RBFOX1: variants seen among roughly 807,000 people sequenced by gnomAD.
The protein encoded by RBFOX1 is RNA binding fox-1 homolog 1.
A neutral mutation model predicts 57.7 loss-of-function variants in RBFOX1; 8 were observed. That is an observed-to-expected ratio of 0.14 (90% CI 0.08 to 0.25). The LOEUF (loss-of-function observed/expected upper bound fraction) is 0.25, where lower values mean the gene tolerates loss of function less well. RBFOX1 is among the 10% of genes least tolerant of loss of function. The pLI is 1.00. For missense variants in RBFOX1, 611 were observed against 548.5 expected (o/e 1.11, Z -1.14); for synonymous variants, 326 against 222.4 (o/e 1.47, Z -4.15).
intron 4 of RBFOX1, among the ~76,000 whole-genome samples, chr16:7,396,198 C>A (rs2098136316): frequency 6.6e-6 from 1 of 152,050 alleles, no homozygotes; most frequent in South Asian, 2.1e-4. Context: ...AGTTAGCAAC[C>A]CTCTGCTGTG....
At chr16:6,755,166 C>G (rs533223078) in intron 3 of RBFOX1, among the ~76,000 whole-genome samples, 2 of 152,140 alleles carry the variant, frequency 1.3e-5, no homozygotes, top group Non-Finnish European at 2.9e-5. Context: ...AATAAACATA[C>G]GTGTGCATGT....
intron 4 of RBFOX1, among the ~76,000 whole-genome samples, chr16:7,380,824 A>T (rs1596992739): frequency 6.6e-6 from 1 of 152,368 alleles, no homozygotes; most frequent in Non-Finnish European, 1.5e-5. Context: ...CAGATTTCAT[A>T]GAAGCAGGGG....
At chr16:6,697,914 G>C (rs193206814) in intron 3 of RBFOX1, among the ~76,000 whole-genome samples, 1 of 152,134 alleles carries the variant, frequency 6.6e-6, no homozygotes, top group Admixed American at 6.5e-5. Context: ...AAGACCAAAA[G>C]TCTCTTTTTT....
intron 1 of RBFOX1, among the ~76,000 whole-genome samples, chr16:6,281,367 A>G (rs1336876787): frequency 6.6e-6 from 1 of 152,120 alleles, no homozygotes. Flanking sequence ...TACTCTGCAT[A>G]GAAGTAGGGG....
At chr16:6,736,190 T>G (rs377374540) in intron 3 of RBFOX1, among the ~76,000 whole-genome samples, 1 of 152,112 alleles carries the variant, frequency 6.6e-6, no homozygotes, top group African/African-American at 2.4e-5. Flanking sequence ...TAAATTTTAT[T>G]TTTCCATAAG....
At chr16:7,260,633 C>T (rs772792763) in intron 4 of RBFOX1, among the ~76,000 whole-genome samples, 2 of 152,082 alleles carry the variant, frequency 1.3e-5, no homozygotes, top group Non-Finnish European at 2.9e-5. Context: ...CTAAAGGGCA[C>T]GTTTGGTGTT....
intron 4 of RBFOX1, among the ~76,000 whole-genome samples, chr16:5,986,512 G>T (rs1434006066): frequency 6.6e-6 from 1 of 152,130 alleles, no homozygotes; most frequent in African/African-American, 2.4e-5. Flanking sequence ...TACTGTAAGT[G>T]TCCCTTTCAT....
chr16:6,430,820 G>C (rs950882598), intron 2 of RBFOX1, among the ~76,000 whole-genome samples: 1 of 152,004 alleles, frequency 6.6e-6, no homozygotes, highest in African/African-American at 2.4e-5. Context: ...CAAGATTAAA[G>C]GCAGGGAGAC....
intron 4 of RBFOX1, among the ~76,000 whole-genome samples, chr16:7,180,388 G>C (rs757243012): frequency 6.6e-6 from 1 of 152,174 alleles, no homozygotes; most frequent in South Asian, 2.1e-4. Flanking sequence ...ATCTCTGGAA[G>C]TCTGACTCCT....
chr16:7,192,443 C>T (rs998173279), intron 4 of RBFOX1, among the ~76,000 whole-genome samples: 1 of 152,104 alleles, frequency 6.6e-6, no homozygotes, highest in Non-Finnish European at 1.5e-5. Context: ...AGGGTCCCTT[C>T]AATGGAGATT....
chr16:7,203,367 C>A (rs1417427349), intron 4 of RBFOX1, among the ~76,000 whole-genome samples: 1 of 152,044 alleles, frequency 6.6e-6, no homozygotes, highest in Non-Finnish European at 1.5e-5. Flanking sequence ...ATGGTGGTGG[C>A]TGGTGGAGAG....
intron 4 of RBFOX1, among the ~76,000 whole-genome samples, chr16:5,910,069 AC>A (rs760964672): frequency 4.0e-4 from 60 of 148,688 alleles, no homozygotes; most frequent in Non-Finnish European, 7.7e-4. Flanking sequence ...AAAACAAAAA[AC>A]AAAAAAAAAA....
chr16:7,127,117 GT>G (rs147412114), intron 4 of RBFOX1, among the ~76,000 whole-genome samples: 12,027 of 152,056 alleles, frequency 0.079, 598 homozygotes, highest in Middle Eastern at 0.13. Flanking sequence ...ACTTCATGTG[GT>G]CATAAATGGT....
intron 4 of RBFOX1, among the ~76,000 whole-genome samples, chr16:7,248,284 C>T (rs1264343417): frequency 1.3e-5 from 2 of 152,150 alleles, no homozygotes; most frequent in African/African-American, 2.4e-5. Context: ...ATTCTTGCTG[C>T]CTTTCCTACC....
intron 4 of RBFOX1, among the ~76,000 whole-genome samples, chr16:7,261,525 A>G (rs2094919586): frequency 6.6e-6 from 1 of 152,156 alleles, no homozygotes; most frequent in Non-Finnish European, 1.5e-5. Context: ...CATAGGAGAT[A>G]ACTAACGGCA....
At chr16:7,609,220 C>A (rs868248559) in intron 10 of RBFOX1, among the ~76,000 whole-genome samples, 1 of 152,156 alleles carries the variant, frequency 6.6e-6, no homozygotes, top group Admixed American at 6.5e-5. Context: ...CAGTGAAGAA[C>A]AAGAAGCCTT....
At chr16:7,364,715 G>A (rs1347917650) in intron 4 of RBFOX1, among the ~76,000 whole-genome samples, 1 of 152,098 alleles carries the variant, frequency 6.6e-6, no homozygotes, top group Non-Finnish European at 1.5e-5. Flanking sequence ...GATCTCTCTG[G>A]TTAAAATTTG....
At chr16:6,095,684 C>A (rs565962090) in intron 1 of RBFOX1, among the ~76,000 whole-genome samples, 30 of 151,548 alleles carry the variant, frequency 2.0e-4, no homozygotes, top group African/African-American at 7.3e-4. Context: ...TTCTTCCATT[C>A]TCTCTTCTGC....
At chr16:6,489,075 A>C (rs2095569829) in intron 2 of RBFOX1, among the ~76,000 whole-genome samples, 1 of 152,170 alleles carries the variant, frequency 6.6e-6, no homozygotes. Context: ...TTCTTTATAA[A>C]TATGGCATGG....
Sources: allele counts gnomAD v4.1 joint callset (sites outside exome capture counted in the v4.1 genomes callset), GRCh38; gene constraint gnomAD v4.1.1; transcripts MANE v1.5; gene names NCBI Gene and HGNC (gene_info 2026-07-23, HGNC 2026-07-21).